Variants in YTHDF3 observed in about 807,000 individuals in gnomAD.
YTHDF3 encodes the protein YTH N6-methyladenosine RNA binding protein F3.
Under a neutral mutation model 52.5 loss-of-function variants are expected in YTHDF3, and 9 were observed. The observed-to-expected ratio is 0.17, with a 90% CI of 0.10 to 0.30. The LOEUF is 0.30. Among genes scored for constraint, YTHDF3 ranks in the 10% least tolerant of loss-of-function variants. The pLI is 1.00. For synonymous variants in YTHDF3, 274 were observed against 243.3 expected, an observed-to-expected ratio of 1.13 and a Z score of -1.18; for missense variants, 534 against 715.0, an observed-to-expected ratio of 0.75 and a Z score of 2.89.
At chr8:63,169,021 C>T in intron 1 of YTHDF3, 120 bp downstream of exon 1, 1 of 1,467,418 alleles carries the variant, frequency 6.8e-7, no homozygotes, top group Non-Finnish European at 9.0e-7. Flanking sequence ...GCCCCGGGCG[C>T]AAGTTGCTGC....
intron 3 of YTHDF3, among the ~76,000 whole-genome samples, chr8:63,185,711 G>A (rs993749193): frequency 5.9e-5 from 9 of 152,018 alleles, no homozygotes; most frequent in African/African-American, 2.2e-4. Context: ...TCTATTATTC[G>A]GCAGAGTTGT....
chr8:63,179,767 G>A (rs1002284414), intron 3 of YTHDF3, among the ~76,000 whole-genome samples: 1 of 152,174 alleles, frequency 6.6e-6, no homozygotes, highest in Non-Finnish European at 1.5e-5. Flanking sequence ...GCCGGGCAGA[G>A]GGGCTCCTCA....
At position 63,184,695 on chromosome 8, in the gene YTHDF3, G is replaced by T. The variant is rs575029604; in HGVS notation, c.136-1452G>T. ...AAGAGTGAAATAGTAGAAGAAACGG[G>T]TTAAGAACTTTACTCCAAAGAACTT... On this transcript the variant is annotated intron_variant, in intron 3 of 4. Transcript: ENST00000539294. Among the ~76,000 whole-genome samples, 14 of 152,348 alleles carry T rather than the reference G, an allele frequency of 9.2e-5. No individual in the cohort carries two copies. In the East Asian group the frequency reaches 2.7e-3, roughly 29 times the overall value.
At chr8:63,178,349 T>C (rs1269552104) in intron 3 of YTHDF3, among the ~76,000 whole-genome samples, 1 of 152,092 alleles carries the variant, frequency 6.6e-6, no homozygotes, top group African/African-American at 2.4e-5. Context: ...TTCTATATAT[T>C]GGAATTGTGC....
chr8:63,188,495 T>G (rs964191696), intron 4 of YTHDF3, among the ~76,000 whole-genome samples: 20 of 149,372 alleles, frequency 1.3e-4, no homozygotes, highest in African/African-American at 4.9e-4. Flanking sequence ...CCTGGCTAAT[T>G]TTTGTATTTA....
At chr8:63,196,629 A>G (rs1308019138) in intron 4 of YTHDF3, among the ~76,000 whole-genome samples, 1 of 152,098 alleles carries the variant, frequency 6.6e-6, no homozygotes, top group Non-Finnish European at 1.5e-5. Flanking sequence ...GTAAAAGACA[A>G]ATTACCTACA....
At chr8:63,186,075 A>C in intron 3 of YTHDF3, 72 bp from the exon 4 acceptor site, 1 of 1,413,098 alleles carries the variant, frequency 7.1e-7, no homozygotes, top group Non-Finnish European at 9.6e-7. Context: ...TCTTGATTTT[A>C]ATCTTTCAGA....
chr8:63,169,852 C>T (rs1046222751), intron 2 of YTHDF3, among the ~76,000 whole-genome samples: 3 of 152,210 alleles, frequency 2.0e-5, no homozygotes, highest in African/African-American at 4.8e-5. Flanking sequence ...CTGTTAATCA[C>T]TGATTCTATT....
intron 3 of YTHDF3, among the ~76,000 whole-genome samples, chr8:63,183,517 C>T (rs1289997215): frequency 1.3e-5 from 2 of 152,036 alleles, no homozygotes; most frequent in South Asian, 4.1e-4. Context: ...ATTTGAACTT[C>T]CCTCAGTCTT....
At chr8:63,201,794 A>G (rs1042479466) in intron 4 of YTHDF3, among the ~76,000 whole-genome samples, 2 of 152,264 alleles carry the variant, frequency 1.3e-5, no homozygotes, top group African/African-American at 4.8e-5. Context: ...ATAATTCTGC[A>G]TGTGAAAGAC....
At chr8:63,207,565 A>G (rs1276384570) in intron 4 of YTHDF3, among the ~76,000 whole-genome samples, 5 of 152,030 alleles carry the variant, frequency 3.3e-5, no homozygotes, top group Admixed American at 6.6e-5. Context: ...GTTATGCATT[A>G]TATATATAGA....
intron 3 of YTHDF3, among the ~76,000 whole-genome samples, chr8:63,185,894 C>T (rs1374972265): frequency 6.6e-6 from 1 of 152,108 alleles, no homozygotes; most frequent in Non-Finnish European, 1.5e-5. Context: ...AAATAATACT[C>T]ATTATACCCC....
At chr8:63,204,685 A>G (rs571881909) in intron 4 of YTHDF3, among the ~76,000 whole-genome samples, 1 of 152,254 alleles carries the variant, frequency 6.6e-6, no homozygotes, top group East Asian at 1.9e-4. Flanking sequence ...TTTCATAGCA[A>G]GTGTCTGATT....
intron 4 of YTHDF3, among the ~76,000 whole-genome samples, chr8:63,196,912 A>G (rs1809276520): frequency 6.6e-6 from 1 of 152,228 alleles, no homozygotes; most frequent in Non-Finnish European, 1.5e-5. Context: ...AACAACCCGT[A>G]GCACCTGGTT....
At chr8:63,180,877 G>A (rs983465178) in intron 3 of YTHDF3, among the ~76,000 whole-genome samples, 3 of 152,142 alleles carry the variant, frequency 2.0e-5, no homozygotes, top group Admixed American at 6.5e-5. Context: ...GGCAGGCTGA[G>A]GCAGGAGAAT....
At chr8:63,181,842 A>C (rs1247412863) in intron 3 of YTHDF3, among the ~76,000 whole-genome samples, 1 of 152,194 alleles carries the variant, frequency 6.6e-6, no homozygotes, top group Non-Finnish European at 1.5e-5. Context: ...ATCTAATAGA[A>C]TTAGAGAATG....
intron 3 of YTHDF3, among the ~76,000 whole-genome samples, chr8:63,177,242 C>G (rs1022060705): frequency 1.3e-5 from 2 of 152,092 alleles, no homozygotes; most frequent in African/African-American, 2.4e-5. Context: ...TTGTGGGATG[C>G]AGGATTATTT....
intron 4 of YTHDF3, among the ~76,000 whole-genome samples, chr8:63,189,891 A>T (rs1808804841): frequency 1.3e-5 from 2 of 152,182 alleles, no homozygotes; most frequent in African/African-American, 4.8e-5. Flanking sequence ...AACCTTTTAG[A>T]TGGGTTGCTG....
At position 63,209,811 on chromosome 8, in the gene YTHDF3, A is replaced by G; in HGVS notation, c.*105A>G. Reference sequence around the variant, plus strand: ...TTAAAGCTCTTTTCTGCTTAAGGTGACATCTTTGAACACTTTAACACAAAG... The same window carrying G: ...TTAAAGCTCTTTTCTGCTTAAGGTGGCATCTTTGAACACTTTAACACAAAG... On this transcript the variant is annotated 3_prime_UTR_variant, in exon 5 of 5. Transcript: ENST00000539294. 1 of 1,111,858 alleles carries G rather than the reference A, an allele frequency of 9.0e-7. No homozygotes were observed. Among genetic ancestry groups the G allele is most frequent in the Non-Finnish European group, 1.3e-6 (1 of 792,348 alleles). 68.9% of individuals were successfully genotyped at this position (1,111,858 alleles called of 1,614,324 possible).
Sources: allele counts gnomAD v4.1 joint callset (sites outside exome capture counted in the v4.1 genomes callset), GRCh38; gene constraint gnomAD v4.1.1; transcripts MANE v1.5; gene names NCBI Gene and HGNC (gene_info 2026-07-23, HGNC 2026-07-21).